Variants in JMJD1C observed in about 807,000 individuals in gnomAD.
JMJD1C encodes jumonji domain containing 1C, also known as jumonji domain-containing protein 1C.
JMJD1C carries 31 observed loss-of-function variants against 245.3 expected under a neutral mutation model. The observed-to-expected ratio is 0.13, with a 90% CI of 0.09 to 0.17. The LOEUF is 0.17. JMJD1C is among the 10% of genes least tolerant of loss of function. The pLI, the probability that JMJD1C is intolerant of heterozygous loss-of-function variation, is 1.00. For missense variants in JMJD1C, 2,691 were observed against 3,000.2 expected, an observed-to-expected ratio of 0.90 and a Z score of 2.41; for synonymous variants, 1,057 against 1,017.4, an observed-to-expected ratio of 1.04 and a Z score of -0.74.
At chr10:63,259,987 C>T (rs1015890169) in intron 3 of JMJD1C, among the ~76,000 whole-genome samples, 21 of 150,696 alleles carry the variant, frequency 1.4e-4, no homozygotes, top group African/African-American at 5.1e-4. Flanking sequence ...CTGCAACCTC[C>T]ACCTCCTGGG....
At chr10:63,395,757 T>G (rs1178991700) in intron 1 of JMJD1C, among the ~76,000 whole-genome samples, 1 of 152,162 alleles carries the variant, frequency 6.6e-6, no homozygotes, top group East Asian at 1.9e-4. Flanking sequence ...AATGAAATAC[T>G]TCTCAGCAAT....
In JMJD1C at chr10:63,244,818, G is replaced by A. The variant is rs1246730724; in HGVS notation, c.447+19833C>T. ...CAACACTCCTTCTCTTAAAAAAAAA[G>A]GGGGGGGGAGGGGGGAGAACAATTA... On this transcript the variant is annotated intron_variant, in intron 3 of 25. Transcript: ENST00000399262. Among the ~76,000 whole-genome samples the A allele has an allele frequency of 3.2e-5, 4 of 124,036 alleles. No homozygotes were observed. In the South Asian group the frequency reaches 7.8e-4, roughly 24 times the overall value. 81.4% of individuals were successfully genotyped at this position (124,036 alleles called of 152,430 possible).
At chr10:63,414,558 G>C (rs554890433) in intron 1 of JMJD1C, among the ~76,000 whole-genome samples, 4 of 152,064 alleles carry the variant, frequency 2.6e-5, no homozygotes, top group South Asian at 4.1e-4. Context: ...GAAAAATCGA[G>C]ATGCAAGAAA....
chr10:63,480,530 T>C (rs374911402), intron 1 of JMJD1C, among the ~76,000 whole-genome samples: 1 of 151,524 alleles, frequency 6.6e-6, no homozygotes, highest in Non-Finnish European at 1.5e-5. Context: ...ACTGGCACCC[T>C]AGAATGGCAG....
rs748571575 is a variant in JMJD1C at position 63,465,689 on chromosome 10, C to T, written c.-27G>A. 3.1e-6 allele frequency: 5 copies of T among 1,605,068 alleles called. No homozygotes were observed. The highest frequency in any genetic ancestry group is 1.3e-5 in the African/African-American group (1 of 74,924). On this transcript the variant is annotated 5_prime_UTR_variant, in exon 1 of 26. Coordinates refer to ENST00000399262, the MANE Select transcript of JMJD1C (RefSeq NM_032776.3). ...GCTGTCGCTGCCGAAGCGGCCGCTG[C>T]CTCCTCCAGTGCGAGGGAACCGATG...
At chr10:63,266,235 A>AG (rs1167297332) in intron 2 of JMJD1C, among the ~76,000 whole-genome samples, 6 of 152,098 alleles carry the variant, frequency 3.9e-5, no homozygotes, top group African/African-American at 1.4e-4. Context: ...CCCATATCCT[A>AG]GGCTAACCTT....
At chr10:63,520,650 A>T (rs1245528246) in intron 1 of JMJD1C, among the ~76,000 whole-genome samples, 2 of 152,224 alleles carry the variant, frequency 1.3e-5, no homozygotes, top group Non-Finnish European at 2.9e-5. Flanking sequence ...AAGACAGGTC[A>T]GGAATCCTAG....
At chr10:63,284,573 C>A (rs920879297) in intron 2 of JMJD1C, among the ~76,000 whole-genome samples, 2 of 152,026 alleles carry the variant, frequency 1.3e-5, no homozygotes, top group African/African-American at 4.8e-5. Flanking sequence ...TATAATGAAA[C>A]CAAAACCACA....
In JMJD1C at chr10:63,184,540, G is replaced by A. The variant is rs187156794; in HGVS notation, c.6961+68C>T. 392 of 1,424,916 alleles carry A rather than the reference G, an allele frequency of 2.8e-4. 5 individuals are homozygous for A. The Admixed American group carries it at 6.4e-3, about 23-fold the overall frequency. 88.3% of individuals were successfully genotyped at this position (1,424,916 alleles called of 1,614,324 possible). On this transcript the variant is annotated intron_variant, in intron 21 of 25. Coordinates refer to ENST00000399262, the MANE Select transcript of JMJD1C (RefSeq NM_032776.3). ...ATTGCAGGCGTGAGCCACTATGCCC[G>A]GCCTGAGCAAAAATTTTAAAAAATC...
rs747165793 is a variant in JMJD1C, at chr10:63,208,135, G to C, written c.3534C>G (p.Thr1178=). ...PHQIASHSVT[T]FRNDCRSPTH... is the part of the protein sequence containing the mutation. Reference sequence around the variant, plus strand: ...TAGGACTCCTACAATCATTTCTGAAGGTTGTTACTGAGTGAGATGCAATCT... The same window carrying C: ...TAGGACTCCTACAATCATTTCTGAACGTTGTTACTGAGTGAGATGCAATCT... Residue 1178 remains threonine (T), a synonymous_variant, in exon 10 of 26, where the codon ACC becomes ACG. Transcript: ENST00000399262. 3 of 1,614,168 alleles carry C rather than the reference G, an allele frequency of 1.9e-6. No individual in the cohort carries two copies. The South Asian group carries it at 3.3e-5, about 18-fold the overall frequency.
chr10:63,453,777 T>C (rs955876474), intron 1 of JMJD1C, among the ~76,000 whole-genome samples: 1 of 152,332 alleles, frequency 6.6e-6, no homozygotes, highest in South Asian at 2.1e-4. Context: ...CTCGCTCTGT[T>C]GCCCAGGTTG....
chr10:63,518,515 G>A (rs1955097660), intron 1 of JMJD1C, among the ~76,000 whole-genome samples: 1 of 152,154 alleles, frequency 6.6e-6, no homozygotes, highest in Admixed American at 6.5e-5. Context: ...AGCTGTTTGT[G>A]ATACAATTTT....
chr10:63,288,235 T>C (rs1286708575), intron 2 of JMJD1C, among the ~76,000 whole-genome samples: 1 of 152,200 alleles, frequency 6.6e-6, no homozygotes, highest in Non-Finnish European at 1.5e-5. Flanking sequence ...TCAACTGTAC[T>C]TGGAATCATA....
At chr10:63,243,624 T>A (rs1055780237) in intron 3 of JMJD1C, among the ~76,000 whole-genome samples, 2 of 152,078 alleles carry the variant, frequency 1.3e-5, no homozygotes, top group African/African-American at 4.8e-5. Context: ...AAGGCAGAAA[T>A]ACCCACCTTG....
chr10:63,327,389 G>A (rs917995209), intron 2 of JMJD1C, among the ~76,000 whole-genome samples: 3 of 152,114 alleles, frequency 2.0e-5, no homozygotes, highest in African/African-American at 7.2e-5. Context: ...TTCTAAAAGG[G>A]TGAAACAAAT....
chr10:63,385,506 T>C (rs181894650), intron 1 of JMJD1C, among the ~76,000 whole-genome samples: 1 of 138,752 alleles, frequency 7.2e-6, no homozygotes, highest in East Asian at 2.4e-4. Flanking sequence ...GGTAAGATCA[T>C]AGCTCCCTGT....
At position 63,215,595 on chromosome 10, in the gene JMJD1C, T is replaced by C. The variant is rs756565383; in HGVS notation, c.780A>G (p.Ser260=). The change falls in exon 6 of 26, where the codon TCA becomes TCG. Residue 260 remains serine, a synonymous_variant. Transcript: ENST00000399262. ...TTTGATTGGCACGAGACCTGCGTCGTGATGTAATGCCAATATTTTCACCTT... is the reference window on the plus strand; with the variant it reads ...TTTGATTGGCACGAGACCTGCGTCGCGATGTAATGCCAATATTTTCACCTT... ...LLKGENIGIT[S]RRRSRANQNV... The C allele has an allele frequency of 1.2e-6, 2 of 1,610,972 alleles. No individual in the cohort carries two copies. Among genetic ancestry groups the C allele is most frequent in the East Asian group, 4.5e-5 (2 of 44,752 alleles).
chr10:63,314,680 C>T (rs1311476336), intron 2 of JMJD1C, among the ~76,000 whole-genome samples: 1 of 150,904 alleles, frequency 6.6e-6, no homozygotes, highest in African/African-American at 2.4e-5. Context: ...GCGAGTTTCA[C>T]TCTATCGCCC....
At chr10:63,175,440 AAATCTGACCCTG>A in intron 24 of JMJD1C, among the ~76,000 whole-genome samples, 4 of 152,342 alleles carry the variant, frequency 2.6e-5, no homozygotes, top group Middle Eastern at 6.8e-3. Context: ...TAATAATGAT[AAATCTGACCCTG>A]AATCTGACAC....
Sources: gnomAD v4.1 joint callset for allele counts (sites outside exome capture counted in the v4.1 genomes callset) on GRCh38, gnomAD v4.1.1 for gene constraint, MANE v1.5 for transcripts, NCBI Gene and HGNC (gene_info 2026-07-23, HGNC 2026-07-21) for gene names.